The following BCAS3 variants were observed in gnomAD, a reference collection of about 807,000 sequenced individuals.
BCAS3 encodes BCAS3 microtubule associated cell migration factor.
BCAS3 carries 53 observed loss-of-function variants against 116.1 expected under a neutral mutation model. The observed-to-expected ratio is 0.46, with a 90% confidence interval of 0.37 to 0.57. The LOEUF (loss-of-function observed/expected upper bound fraction) is 0.57, where lower values mean the gene tolerates loss of function less well. Among genes scored for constraint, BCAS3 ranks in the 20% least tolerant of loss-of-function variants. BCAS3 has a pLI of 0.00. For synonymous variants in BCAS3, 391 were observed against 408.2 expected (o/e 0.96, Z 0.51); for missense variants, 917 against 1,165.4 (o/e 0.79, Z 3.10).
rs995096176 is a variant in BCAS3 at position 61,261,505 on chromosome 17, C to T, written c.2426-106822C>T. 6.6e-5 allele frequency among the ~76,000 whole-genome samples: 10 copies of T among 152,156 alleles called. No homozygotes were observed. Among genetic ancestry groups the T allele is most frequent in the African/African-American group, 2.4e-4 (10 of 41,434 alleles). Reference sequence around the variant, plus strand: ...TAGCATTTTGTCCACATCTGTTTTCCAACCTCATTACTCTTCTGTTATTAC... The same window carrying T: ...TAGCATTTTGTCCACATCTGTTTTCTAACCTCATTACTCTTCTGTTATTAC... On this transcript the variant is annotated intron_variant, in intron 22 of 23. Coordinates refer to ENST00000407086, the MANE Select transcript of BCAS3 (RefSeq NM_017679.5). The surrounding 1 kb of genome is among the most constrained non-coding windows in gnomAD (Gnocchi z 4.4).
At chr17:60,690,898 C>T (rs1207402778) in intron 4 of BCAS3, among the ~76,000 whole-genome samples, 4 of 151,708 alleles carry the variant, frequency 2.6e-5, no homozygotes, top group African/African-American at 9.7e-5. Flanking sequence ...CCAGCCTGGG[C>T]GACAGAGCGA....
intron 22 of BCAS3, among the ~76,000 whole-genome samples, chr17:61,094,705 G>A (rs2062039866): frequency 6.6e-6 from 1 of 152,184 alleles, no homozygotes; most frequent in African/African-American, 2.4e-5. Context: ...TTAGCTGGGT[G>A]TGGTGGTGCA....
intron 14 of BCAS3, among the ~76,000 whole-genome samples, chr17:60,976,775 G>A (rs1300749663): frequency 1.3e-5 from 2 of 152,182 alleles, no homozygotes; most frequent in African/African-American, 4.8e-5. Context: ...TAGATTAACA[G>A]CATCCCAAGG....
chr17:60,757,272 AC>A (rs1449130435), intron 6 of BCAS3, among the ~76,000 whole-genome samples: 12 of 151,826 alleles, frequency 7.9e-5, no homozygotes, highest in African/African-American at 1.2e-4. Context: ...CTGAGATCGC[AC>A]CACTGCATTC....
In BCAS3 at chr17:61,368,453, T is replaced by C. The variant is rs2058857727; in HGVS notation, c.2552T>C (p.Met851Thr). ...CTCCGGGAGCGACTTGCCGACGCCATGGCCGAGTCACCTAGCCGGGACGTC... is the reference window on the plus strand; with the variant it reads ...CTCCGGGAGCGACTTGCCGACGCCACGGCCGAGTCACCTAGCCGGGACGTC... ...EGLRERLADAMAESPSRDVVG... is the reference protein window; with the variant it reads ...EGLRERLADATAESPSRDVVG... Residue 851 changes from methionine to threonine, a missense_variant, in exon 23 of 24, where the codon ATG becomes ACG. Met to Thr is a moderately conservative substitution (Grantham distance 81). Transcript: ENST00000407086. The surrounding 1 kb of genome is among the most constrained non-coding windows in gnomAD (Gnocchi z 6.0). The C allele has an allele frequency of 6.2e-7, 1 of 1,611,714 alleles. No homozygotes were observed. The highest frequency in any genetic ancestry group is 8.5e-7 in the Non-Finnish European group (1 of 1,178,016).
In BCAS3 at chr17:61,379,974, C is replaced by T. The variant is rs2143610171; in HGVS notation, c.2593+11480C>T. On this transcript the variant is annotated intron_variant, in intron 23 of 23. Transcript: ENST00000407086. The surrounding 1 kb of genome is among the most constrained non-coding windows in gnomAD (Gnocchi z 5.5). ...ACCCGAGGGGTGGGTTGGTGGAGTACGAGCCTGGGCTGGGGCCTTATAAGG... is the reference window on the plus strand; with the variant it reads ...ACCCGAGGGGTGGGTTGGTGGAGTATGAGCCTGGGCTGGGGCCTTATAAGG... 6.4e-6 allele frequency: 1 copy of T among 155,692 alleles called. No homozygotes were observed. Among genetic ancestry groups the T allele is most frequent in the Non-Finnish European group, 1.4e-5 (1 of 70,226 alleles). 9.6% of individuals were successfully genotyped at this position (155,692 alleles called of 1,614,324 possible).
intron 15 of BCAS3, among the ~76,000 whole-genome samples, chr17:61,011,866 T>G (rs567907122): frequency 6.6e-6 from 1 of 152,070 alleles, no homozygotes; most frequent in Non-Finnish European, 1.5e-5. Flanking sequence ...TTGCATTTAT[T>G]TATTTAATGT....
chr17:60,774,713 T>C (rs2045100277), intron 6 of BCAS3, among the ~76,000 whole-genome samples: 1 of 152,248 alleles, frequency 6.6e-6, no homozygotes, highest in African/African-American at 2.4e-5. Context: ...GATAGTATTT[T>C]AGGCTTGTGG....
At chr17:60,804,352 G>T (rs1305644737) in intron 6 of BCAS3, among the ~76,000 whole-genome samples, 1 of 151,592 alleles carries the variant, frequency 6.6e-6, no homozygotes, top group East Asian at 2.0e-4. Context: ...ATGGTGGCAG[G>T]TGCCTGTAAT....
Position 61,098,793 on chromosome 17 carries a change from G to T in BCAS3, c.2425+14229G>T, listed in dbSNP as rs1007730338. Reference sequence around the variant, plus strand: ...GAAGCATGAAACACCTTAACAGTAGGTGTGGATCCTGATTGTTCTGTTACT... The same window carrying T: ...GAAGCATGAAACACCTTAACAGTAGTTGTGGATCCTGATTGTTCTGTTACT... On this transcript the variant is annotated intron_variant, in intron 22 of 23. Transcript: ENST00000407086. This position sits in a 1 kb window ranked among gnomAD's most constrained non-coding sequence, Gnocchi z 4.2. Among the ~76,000 whole-genome samples the T allele has an allele frequency of 6.6e-5, 10 of 152,126 alleles. No homozygotes were observed. The highest frequency in any genetic ancestry group is 1.9e-4 in the African/African-American group (8 of 41,412).
intron 6 of BCAS3, among the ~76,000 whole-genome samples, chr17:60,776,261 C>T (rs774954469): frequency 1.3e-5 from 2 of 152,134 alleles, no homozygotes; most frequent in African/African-American, 2.4e-5. Context: ...TGTATACTCT[C>T]TAATCAGAAT....
chr17:60,725,258 T>C (rs936894935), intron 5 of BCAS3, among the ~76,000 whole-genome samples: 1 of 152,200 alleles, frequency 6.6e-6, no homozygotes, highest in Non-Finnish European at 1.5e-5. Flanking sequence ...ATTGGTTTAA[T>C]TGTCTGCTTT....
intron 19 of BCAS3, among the ~76,000 whole-genome samples, chr17:61,044,797 G>A (rs2067892902): frequency 6.7e-6 from 1 of 149,720 alleles, no homozygotes; most frequent in Non-Finnish European, 1.5e-5. Context: ...TTTTGAGATG[G>A]AGTCTTGCTC....
In BCAS3 at chr17:60,964,659, T is replaced by A. The variant is rs915288499; in HGVS notation, c.1221+17307T>A. On this transcript the variant is annotated intron_variant, in intron 14 of 23. Transcript: ENST00000407086. This position sits in a 1 kb window ranked among gnomAD's most constrained non-coding sequence, Gnocchi z 4.6. The stretch of plus-strand genomic sequence containing the variant: ...TTGGTAGAATTCAGCAGTGAAGTTG[T>A]GAAGTCCTGGGATTTTCTTGCTTTT... Among the ~76,000 whole-genome samples, 1 of 152,214 alleles carries A rather than the reference T, an allele frequency of 6.6e-6. No homozygotes were observed. Among genetic ancestry groups the A allele is most frequent in the Non-Finnish European group, 1.5e-5 (1 of 68,038 alleles).
At chr17:61,374,241 G>A (rs1252700302) in intron 23 of BCAS3, among the ~76,000 whole-genome samples, 2 of 150,896 alleles carry the variant, frequency 1.3e-5, no homozygotes, top group Non-Finnish European at 2.9e-5. Context: ...CACGATCTCG[G>A]CTCACTGCAA....
intron 22 of BCAS3, among the ~76,000 whole-genome samples, chr17:61,301,680 C>T (rs1172099878): frequency 6.6e-6 from 1 of 152,112 alleles, no homozygotes. Flanking sequence ...CCACAGGTTG[C>T]TAACTACTGT....
chr17:61,298,169 A>G (rs1401841352), intron 22 of BCAS3, among the ~76,000 whole-genome samples: 8 of 152,176 alleles, frequency 5.3e-5, no homozygotes, highest in Admixed American at 5.2e-4. Context: ...CTCACTTAGA[A>G]TGGCAGCTTC....
At chr17:60,885,607 G>A (rs1451799889) in intron 9 of BCAS3, among the ~76,000 whole-genome samples, 82 of 148,412 alleles carry the variant, frequency 5.5e-4, no homozygotes, top group African/African-American at 1.9e-3. Context: ...CATGTTTAGC[G>A]CTTCCTTCAG....
At chr17:60,726,676 A>AT (rs2039903215) in intron 5 of BCAS3, among the ~76,000 whole-genome samples, 2 of 151,680 alleles carry the variant, frequency 1.3e-5, no homozygotes, top group Non-Finnish European at 2.9e-5. Flanking sequence ...CGCCAGGCTA[A>AT]TTTTTTGTAT....
Sources: allele counts gnomAD v4.1 joint callset (sites outside exome capture counted in the v4.1 genomes callset), GRCh38; gene constraint gnomAD v4.1.1; non-coding constraint Gnocchi (gnomAD v3.1); transcripts MANE v1.5; gene names NCBI Gene and HGNC (gene_info 2026-07-23, HGNC 2026-07-21).